The following BARD1 variants were observed in gnomAD, a reference collection of about 807,000 sequenced individuals.
The protein encoded by BARD1 is BRCA1-associated RING domain protein 1.
A neutral mutation model predicts 77.0 loss-of-function variants in BARD1; 73 were observed. The observed-to-expected ratio is 0.95, with a 90% CI of 0.79 to 1.15. The LOEUF (loss-of-function observed/expected upper bound fraction) is 1.15. Among genes scored for constraint, BARD1 ranks in the 50% most tolerant of loss-of-function variants. The probability of loss-of-function intolerance (pLI) is 0.00; values close to 1 mark genes in which losing one functional copy is unlikely to be tolerated. For missense variants in BARD1, 993 were observed against 938.8 expected (o/e 1.06, Z -0.75); for synonymous variants, 384 against 338.0 (o/e 1.14, Z -1.49).
intron 9 of BARD1, among the ~76,000 whole-genome samples, chr2:214,736,575 C>A (rs182121849): frequency 6.6e-6 from 1 of 152,178 alleles, no homozygotes; most frequent in Admixed American, 6.6e-5. Flanking sequence ...GCTGCTTCTC[C>A]ATTTTATGGG....
chr2:214,751,366 T>C (rs931273292), intron 7 of BARD1, among the ~76,000 whole-genome samples: 1 of 150,848 alleles, frequency 6.6e-6, no homozygotes, highest in Non-Finnish European at 1.5e-5. Context: ...TTTCACCATG[T>C]TGACCAAGCA....
intron 4 of BARD1, among the ~76,000 whole-genome samples, chr2:214,777,222 T>C (rs539304374): frequency 1.3e-5 from 2 of 152,288 alleles, no homozygotes; most frequent in South Asian, 4.1e-4. Flanking sequence ...AGAAAATTAA[T>C]GCAAGTGGTA....
chr2:214,771,943 A>AAAAAG (rs59814038), intron 4 of BARD1, among the ~76,000 whole-genome samples: 4 of 143,418 alleles, frequency 2.8e-5, no homozygotes, highest in South Asian at 2.1e-4. Context: ...AAAAAAAAAA[A>AAAAAG]GCAACATTTT....
chr2:214,752,610 AT>A (rs1693512923), intron 6 of BARD1, 55 bp from the exon 7 acceptor site: 1 of 1,221,266 alleles, frequency 8.2e-7, no homozygotes, highest in South Asian at 1.2e-5. Context: ...ACTCGACTCA[AT>A]TTTTCAACAT....
At chr2:214,785,758 C>T (rs748104912) in intron 3 of BARD1, among the ~76,000 whole-genome samples, 71 of 151,482 alleles carry the variant, frequency 4.7e-4, no homozygotes, top group Admixed American at 1.8e-3. Flanking sequence ...ACATTAGAAA[C>T]GGAGGAAAGT....
Position 214,796,753 on chromosome 2 carries a change from A to G in BARD1, c.215+308T>C, listed in dbSNP as rs1695770956. 3 of 330,616 alleles carry G rather than the reference A, an allele frequency of 9.1e-6. No individual in the cohort carries two copies. The East Asian group carries it at 1.9e-4, about 21-fold the overall frequency. The allele number at this position is 330,616 out of a possible 1,614,324, so 20.5% of individuals were successfully genotyped here. ...TCACAATTTTGAGTCTAGATTCAAA[A>G]TTTAACTGGAAAATTTAAAAACATC... On this transcript the variant is annotated intron_variant, in intron 2 of 10. Coordinates refer to ENST00000260947, the MANE Select transcript of BARD1 (RefSeq NM_000465.4).
chr2:214,795,398 G>A lies in BARD1; in HGVS notation c.215+1663C>T, dbSNP rs553359370. On this transcript the variant is annotated intron_variant, in intron 2 of 10. Coordinates refer to ENST00000260947, the MANE Select transcript of BARD1 (RefSeq NM_000465.4). ...GTAAATGACGTCCAAGAGGAAGACA[G>A]GTTCTAGGTCCCATACAGGGTTTTG... Among the ~76,000 whole-genome samples, 42 of 152,248 alleles carry A rather than the reference G, an allele frequency of 2.8e-4. No homozygotes were observed. In the South Asian group the frequency reaches 8.5e-3, roughly 31 times the overall value.
intron 6 of BARD1, among the ~76,000 whole-genome samples, chr2:214,767,270 A>G (rs1237702601): frequency 6.6e-6 from 1 of 151,830 alleles, no homozygotes; most frequent in Non-Finnish European, 1.5e-5. Flanking sequence ...CTGAATCCTC[A>G]AGTGTAGAAC....
chr2:214,787,294 G>A (rs1695316946), intron 3 of BARD1, among the ~76,000 whole-genome samples: 1 of 151,716 alleles, frequency 6.6e-6, no homozygotes, highest in Non-Finnish European at 1.5e-5. Flanking sequence ...TTATAAATGA[G>A]TAAATGAAGA....
At chr2:214,808,430 A>G (rs1696379668) in intron 1 of BARD1, among the ~76,000 whole-genome samples, 1 of 152,228 alleles carries the variant, frequency 6.6e-6, no homozygotes, top group African/African-American at 2.4e-5. Context: ...GAAAAGAAAA[A>G]GTTGTGTTAC....
chr2:214,801,779 C>G (rs1020447038), intron 1 of BARD1, among the ~76,000 whole-genome samples: 69 of 147,494 alleles, frequency 4.7e-4, no homozygotes, highest in African/African-American at 1.6e-3. Context: ...GTACAAAATG[C>G]TCTAAAGTTA....
intron 4 of BARD1, among the ~76,000 whole-genome samples, chr2:214,773,133 T>C (rs1232435251): frequency 6.6e-6 from 1 of 151,896 alleles, no homozygotes; most frequent in Non-Finnish European, 1.5e-5. Flanking sequence ...CATTTGTACA[T>C]ACTGCAGATC....
At chr2:214,738,604 T>C (rs778196926) in intron 9 of BARD1, among the ~76,000 whole-genome samples, 3 of 152,080 alleles carry the variant, frequency 2.0e-5, no homozygotes, top group Non-Finnish European at 4.4e-5. Context: ...TGGTTTTATA[T>C]TAAGCTTACA....
intron 6 of BARD1, among the ~76,000 whole-genome samples, chr2:214,761,800 ACT>A (rs920766085): frequency 1.3e-5 from 2 of 152,208 alleles, no homozygotes; most frequent in East Asian, 3.8e-4. Context: ...ATTGACTATA[ACT>A]CTATGGGTCA....
chr2:214,768,885 G>A (rs1000882529), intron 5 of BARD1, among the ~76,000 whole-genome samples: 2 of 152,114 alleles, frequency 1.3e-5, no homozygotes, highest in Admixed American at 6.5e-5. Flanking sequence ...CAGTTCCTCC[G>A]ACCTCTTTTT....
chr2:214,751,536 A>G (rs1693453758), intron 7 of BARD1, among the ~76,000 whole-genome samples: 3 of 151,820 alleles, frequency 2.0e-5, no homozygotes, highest in South Asian at 2.1e-4. Flanking sequence ...TTTATAGCTT[A>G]TTTTACAAAT....
At position 214,728,452 on chromosome 2, in the gene BARD1, T is replaced by C. The variant is rs1692176953; in HGVS notation, c.*224A>G. 1 of 554,912 alleles carries C rather than the reference T, an allele frequency of 1.8e-6. No homozygotes were observed. The highest frequency in any genetic ancestry group is 3.2e-5 in the Admixed American group (1 of 31,400). The allele number at this position is 554,912 out of a possible 1,614,324, so 34.4% of individuals were successfully genotyped here. A position where few individuals can be genotyped will look rare whatever the true frequency, so the allele number is the denominator to read the frequency against. On this transcript the variant is annotated 3_prime_UTR_variant, in exon 11 of 11. Coordinates refer to ENST00000260947, the MANE Select transcript of BARD1 (RefSeq NM_000465.4). ...AGAAAGACATGATAAATCAAAAACA[T>C]GCCAATTTTAAAAAGAAAAACCTTT...
At chr2:214,769,348 TAAGGA>T (rs752753356) in intron 4 of BARD1, 36 bp from the exon 5 acceptor site, 3 of 1,530,304 alleles carry the variant, frequency 2.0e-6, no homozygotes, top group African/African-American at 1.4e-5. Context: ...TAAAAAGCAT[TAAGGA>T]AAGAAAGGAA....
chr2:214,766,630 A>C (rs1478055841), intron 6 of BARD1, among the ~76,000 whole-genome samples: 1 of 152,128 alleles, frequency 6.6e-6, no homozygotes, highest in Non-Finnish European at 1.5e-5. Context: ...GTGATGTCAA[A>C]ATGTGCCGCT....
Sources: gnomAD v4.1 joint callset for allele counts (sites outside exome capture counted in the v4.1 genomes callset) on GRCh38, gnomAD v4.1.1 for gene constraint, MANE v1.5 for transcripts, NCBI Gene and HGNC (gene_info 2026-07-23, HGNC 2026-07-21) for gene names.